Variants in CCDC191 observed in about 807,000 individuals in gnomAD.
The protein encoded by CCDC191 is coiled-coil domain-containing protein 191.
Under a neutral mutation model 114.0 loss-of-function variants are expected in CCDC191, and 99 were observed. That is an observed-to-expected ratio of 0.87 (90% confidence interval 0.74 to 1.03). CCDC191 has a LOEUF of 1.03. CCDC191 is among the 50% of genes least tolerant of loss of function. The pLI, the probability that CCDC191 is intolerant of heterozygous loss-of-function variation, is 0.00. For missense variants in CCDC191, 973 were observed against 1,087.0 expected (o/e 0.90, Z 1.47); for synonymous variants, 351 against 376.0 (o/e 0.93, Z 0.77).
At chr3:114,044,194 A>G (rs564719580) in intron 3 of CCDC191, among the ~76,000 whole-genome samples, 10 of 152,302 alleles carry the variant, frequency 6.6e-5, no homozygotes, top group African/African-American at 1.7e-4. Context: ...AGGTAGACAC[A>G]GAGGAGGTTC....
intron 16 of CCDC191, among the ~76,000 whole-genome samples, chr3:113,976,815 C>T (rs1216801528): frequency 1.3e-5 from 2 of 152,080 alleles, no homozygotes; most frequent in Non-Finnish European, 2.9e-5. Flanking sequence ...TGTTCAGGGT[C>T]ACATAGATAT....
At chr3:113,999,196 C>A (rs2075802436) in intron 13 of CCDC191, among the ~76,000 whole-genome samples, 1 of 152,170 alleles carries the variant, frequency 6.6e-6, no homozygotes, top group South Asian at 2.1e-4. Context: ...AGTAATACCA[C>A]TAGCAAAATT....
intron 2 of CCDC191, among the ~76,000 whole-genome samples, chr3:114,048,951 C>T (rs1249409012): frequency 6.6e-6 from 1 of 152,180 alleles, no homozygotes; most frequent in African/African-American, 2.4e-5. Flanking sequence ...TGTCACCTGA[C>T]CTATTCTGAA....
chr3:113,992,111 G>C (rs1301438508), intron 13 of CCDC191, among the ~76,000 whole-genome samples: 1 of 152,122 alleles, frequency 6.6e-6, no homozygotes, highest in Non-Finnish European at 1.5e-5. Flanking sequence ...AGTACTTTGT[G>C]GAAGTCCAGA....
intron 4 of CCDC191, among the ~76,000 whole-genome samples, chr3:114,037,801 A>G (rs1272690149): frequency 6.6e-6 from 1 of 152,208 alleles, no homozygotes; most frequent in Non-Finnish European, 1.5e-5. Context: ...TGTAAATGCT[A>G]TGTTAATACT....
intron 13 of CCDC191, among the ~76,000 whole-genome samples, chr3:113,985,837 G>A (rs1247468944): frequency 2.0e-5 from 3 of 152,114 alleles, no homozygotes; most frequent in Admixed American, 6.6e-5. Context: ...CCCAATTCCC[G>A]GCTAAATTAG....
At chr3:114,018,898 C>G in intron 7 of CCDC191, 30 bp from the exon 8 acceptor site, 1 of 1,600,654 alleles carries the variant, frequency 6.2e-7, no homozygotes, top group Non-Finnish European at 8.5e-7. Context: ...AAAATCACCA[C>G]CCATCAGCGC....
rs1190598668 is a variant in CCDC191, at chr3:114,005,845, A to G, written c.1531T>C (p.Ser511Pro). The G allele has an allele frequency of 6.2e-7, 1 of 1,613,928 alleles. No individual in the cohort carries two copies. The highest frequency in any genetic ancestry group is 8.5e-7 in the Non-Finnish European group (1 of 1,179,960). ...GNLQGSLQNVSLSAPGNKQHK... is the reference protein window; with the variant it reads ...GNLQGSLQNVPLSAPGNKQHK... The stretch of plus-strand genomic sequence containing the variant: ...TGCTTATTGCCAGGTGCACTCAGAG[A>G]GACATTCTGAAGGGAACCCTGCAAG... The change falls in exon 10 of 17, where the codon TCT becomes CCT. Residue 511 changes from serine (S) to proline (P), a missense_variant. Ser to Pro is a moderately conservative substitution (Grantham distance 74). Coordinates refer to ENST00000295878, the MANE Select transcript of CCDC191 (RefSeq NM_020817.2).
chr3:114,029,674 C>T lies in CCDC191; in HGVS notation c.972+1952G>A, dbSNP rs138241179. On this transcript the variant is annotated intron_variant, in intron 7 of 16. Coordinates refer to ENST00000295878, the MANE Select transcript of CCDC191 (RefSeq NM_020817.2). ...GGAGAAACTCAGCACACACCCTTAA[C>T]CAAGTGATCAAAGTTAACATCAGTA... is the stretch of plus-strand genomic sequence containing the variant. Among the ~76,000 whole-genome samples the T allele has an allele frequency of 6.0e-4, 92 of 152,240 alleles. 1 individual carries two copies. In the East Asian group the frequency reaches 0.016, roughly 27 times the overall value.
chr3:113,982,154 A>G (rs759324221), intron 13 of CCDC191, among the ~76,000 whole-genome samples: 17 of 152,176 alleles, frequency 1.1e-4, no homozygotes, highest in Non-Finnish European at 1.8e-4. Context: ...ATCCTCCTAG[A>G]ATAATTACTG....
chr3:113,978,245 G>A lies in CCDC191; in HGVS notation c.2547C>T (p.Val849=), dbSNP rs1251945380. 1.2e-6 allele frequency: 2 copies of A among 1,613,828 alleles called. No homozygotes were observed. The highest frequency in any genetic ancestry group is 4.5e-5 in the East Asian group (2 of 44,888). The stretch of plus-strand genomic sequence containing the variant: ...CCTGAGAATCGATCTTCACCTCCCT[G>A]ACCATGTTAAACCAGGCCCTGAAAA... The part of the protein sequence containing the change: ...KKIFRAWFNM[V]REVKIDSQGK... The change falls in exon 16 of 17, where the codon GTC becomes GTT. Residue 849 remains valine (V), a synonymous_variant. Transcript: ENST00000295878.
At chr3:114,034,170 G>C (rs1284842400) in intron 6 of CCDC191, among the ~76,000 whole-genome samples, 1 of 152,162 alleles carries the variant, frequency 6.6e-6, no homozygotes, top group Non-Finnish European at 1.5e-5. Context: ...TAAGGCAGTG[G>C]TGACTTTCCA....
At chr3:113,974,742 T>C (rs1186655918) in intron 16 of CCDC191, among the ~76,000 whole-genome samples, 2 of 152,232 alleles carry the variant, frequency 1.3e-5, no homozygotes, top group African/African-American at 4.8e-5. Context: ...AGAGATTGTT[T>C]GTAATTTACC....
intron 16 of CCDC191, among the ~76,000 whole-genome samples, chr3:113,970,988 T>G (rs1448339252): frequency 6.6e-6 from 1 of 152,216 alleles, no homozygotes; most frequent in Non-Finnish European, 1.5e-5. Context: ...TTGGGTTGGT[T>G]CCAAGTCTTT....
At chr3:114,032,141 AG>A (rs1318477788) in intron 6 of CCDC191, among the ~76,000 whole-genome samples, 1 of 152,202 alleles carries the variant, frequency 6.6e-6, no homozygotes, top group Non-Finnish European at 1.5e-5. Context: ...CGAGAAAAAA[AG>A]GATTCTCAAG....
intron 5 of CCDC191, among the ~76,000 whole-genome samples, chr3:114,036,279 T>C (rs1676642980): frequency 6.6e-6 from 1 of 152,182 alleles, no homozygotes; most frequent in African/African-American, 2.4e-5. Context: ...CGTTACAATT[T>C]GAAAACCAAA....
chr3:114,005,918 G>T lies in CCDC191; in HGVS notation c.1458C>A (p.Ser486Arg), dbSNP rs369047651. The part of the protein sequence containing the change: ...PPLWEKPPLG[S>R]SGCMLSPPLG... ...GGGGAGGACTGAGCATACAACCACTGCTTCCCAAGGGAGGCTTTTCCCACA... is the reference window on the plus strand; with the variant it reads ...GGGGAGGACTGAGCATACAACCACTTCTTCCCAAGGGAGGCTTTTCCCACA... Residue 486 changes from serine (S) to arginine (R), a missense_variant, in exon 10 of 17, where the codon AGC (serine) becomes AGA (arginine). By Grantham distance (110) the Ser-to-Arg change is moderately radical. Transcript: ENST00000295878. The T allele has an allele frequency of 5.0e-6, 8 of 1,613,940 alleles. No homozygotes were observed. The African/African-American group carries it at 1.1e-4, about 22-fold the overall frequency.
intron 7 of CCDC191, among the ~76,000 whole-genome samples, chr3:114,028,275 A>AT (rs920211150): frequency 0.11 from 13,436 of 126,904 alleles, 978 homozygotes; most frequent in East Asian, 0.14. Context: ...AATTCTAAAA[A>AT]TTTTTTTTTT....
chr3:114,010,918 C>T lies in CCDC191; in HGVS notation c.1267G>A (p.Ala423Thr), dbSNP rs2076058598. 1 of 1,613,946 alleles carries T rather than the reference C, an allele frequency of 6.2e-7. No individual in the cohort carries two copies. Among genetic ancestry groups the T allele is most frequent in the African/African-American group, 1.3e-5 (1 of 74,942 alleles). The change falls in exon 9 of 17, where the codon GCT becomes ACT. Residue 423 changes from alanine to threonine, a missense_variant. Transcript: ENST00000295878. ...HGAELLKRELALTKEETRKKM... is the reference protein window; with the variant it reads ...HGAELLKRELTLTKEETRKKM... Reference sequence around the variant, plus strand: ...TTCCTAGTTTCCTCTTTTGTGAGAGCCAGCTCTCTCTTCAGGAGCTCGGCG... The same window carrying T: ...TTCCTAGTTTCCTCTTTTGTGAGAGTCAGCTCTCTCTTCAGGAGCTCGGCG...
Sources: gnomAD v4.1 joint callset for allele counts (sites outside exome capture counted in the v4.1 genomes callset) on GRCh38, gnomAD v4.1.1 for gene constraint, MANE v1.5 for transcripts, NCBI Gene and HGNC (gene_info 2026-07-23, HGNC 2026-07-21) for gene names.